The following STARD13 variants were observed in gnomAD, a reference collection of about 807,000 sequenced individuals.
The protein encoded by STARD13 is StAR related lipid transfer domain containing 13, also known as stAR-related lipid transfer protein 13.
A neutral mutation model predicts 106.4 loss-of-function variants in STARD13; 62 were observed. The observed-to-expected ratio is 0.58, with a 90% CI of 0.48 to 0.72. The LOEUF (loss-of-function observed/expected upper bound fraction) is 0.72. STARD13 is among the 30% of genes least tolerant of loss of function. The pLI is 0.00. For missense variants in STARD13, 1,387 were observed against 1,424.0 expected, an observed-to-expected ratio of 0.97 and a Z score of 0.42; for synonymous variants, 565 against 553.0, an observed-to-expected ratio of 1.02 and a Z score of -0.31.
At chr13:33,274,837 T>A (rs1170585763) in intron 1 of STARD13, among the ~76,000 whole-genome samples, 1 of 152,140 alleles carries the variant, frequency 6.6e-6, no homozygotes, top group Non-Finnish European at 1.5e-5. Context: ...AAATGTCCCA[T>A]CTATTACCAG....
In STARD13 at chr13:33,112,789, C is replaced by A. The variant is rs1434234054; in HGVS notation, c.2424G>T (p.Met808Ile). The A allele has an allele frequency of 6.2e-7, 1 of 1,613,798 alleles. No homozygotes were observed. The highest frequency in any genetic ancestry group is 1.3e-5 in the African/African-American group (1 of 74,946). ...NLVEENQMTP[M>I]NLAVCLAPSL... Reference sequence around the variant, plus strand: ...AGGGGGCCAGACACACTGCCAGGTTCATGGGCGTCATCTGATTCTCTTCCA... The same window carrying A: ...AGGGGGCCAGACACACTGCCAGGTTAATGGGCGTCATCTGATTCTCTTCCA... Residue 808 changes from methionine to isoleucine, a missense_variant, in exon 9 of 14, where the codon ATG (methionine) becomes ATT (isoleucine). Met to Ile is a conservative substitution (Grantham distance 10). Coordinates refer to ENST00000336934, the MANE Select transcript of STARD13 (RefSeq NM_178006.4).
At chr13:33,346,354 C>A (rs534019564), downstream of STARD13, among the ~76,000 whole-genome samples, 2 of 152,256 alleles carry the variant, frequency 1.3e-5, no homozygotes, top group Admixed American at 6.5e-5. Context: ...TGGTTTAGTT[C>A]GGTTTGGTTT....
the STARD13 span, among the ~76,000 whole-genome samples, chr13:33,540,826 T>A: frequency 6.6e-6 from 1 of 152,152 alleles, no homozygotes; most frequent in Non-Finnish European, 1.5e-5. Context: ...AAGGGCAAAG[T>A]CAGTAAAGCA....
At chr13:33,439,001 A>G in the STARD13 span, among the ~76,000 whole-genome samples, 1 of 152,250 alleles carries the variant, frequency 6.6e-6, no homozygotes, top group Non-Finnish European at 1.5e-5. Flanking sequence ...GATATGAAGA[A>G]TACATGCAGT....
At chr13:33,253,670 T>C (rs1335505025) in intron 1 of STARD13, among the ~76,000 whole-genome samples, 2 of 152,180 alleles carry the variant, frequency 1.3e-5, no homozygotes, top group Non-Finnish European at 2.9e-5. Flanking sequence ...TACAGCTGTG[T>C]CTGCTTCATG....
At chr13:33,183,065 T>C (rs1280625411) in intron 1 of STARD13, among the ~76,000 whole-genome samples, 1 of 152,260 alleles carries the variant, frequency 6.6e-6, no homozygotes, top group Non-Finnish European at 1.5e-5. Context: ...TGCTCACATT[T>C]ATCTCTATCA....
At chr13:33,475,839 C>T in the STARD13 span, among the ~76,000 whole-genome samples, 1 of 152,022 alleles carries the variant, frequency 6.6e-6, no homozygotes, top group Non-Finnish European at 1.5e-5. Flanking sequence ...TGTCTGTAGT[C>T]CCAGCTACTC....
chr13:33,499,604 T>TTC, the STARD13 span, among the ~76,000 whole-genome samples: 663 of 39,152 alleles, frequency 0.017, 41 homozygotes, highest in Non-Finnish European at 0.02. Flanking sequence ...CTTCTTCTTC[T>TTC]TTCTTCTTCT....
chr13:33,208,582 AC>A (rs1440320109), intron 1 of STARD13, among the ~76,000 whole-genome samples: 1 of 152,192 alleles, frequency 6.6e-6, no homozygotes, highest in Non-Finnish European at 1.5e-5. Flanking sequence ...GTTTTAGAGC[AC>A]AGGTGTAACA....
At chr13:33,365,196 A>G in the STARD13 span, among the ~76,000 whole-genome samples, 1 of 152,102 alleles carries the variant, frequency 6.6e-6, no homozygotes, top group East Asian at 1.9e-4. Context: ...AGGGATGCTG[A>G]AGGGAATGGG....
chr13:33,369,980 G>A, the STARD13 span, among the ~76,000 whole-genome samples: 1 of 152,162 alleles, frequency 6.6e-6, no homozygotes, highest in Non-Finnish European at 1.5e-5. Flanking sequence ...GAAGCTACAT[G>A]ATAAAGTACA....
chr13:33,379,703 A>G, the STARD13 span, among the ~76,000 whole-genome samples: 2 of 152,244 alleles, frequency 1.3e-5, no homozygotes, highest in Non-Finnish European at 2.9e-5. Context: ...TCTTTTACAG[A>G]TAAGGAAACA....
chr13:33,603,064 G>A, the STARD13 span, among the ~76,000 whole-genome samples: 14 of 151,962 alleles, frequency 9.2e-5, no homozygotes, highest in African/African-American at 2.7e-4. Flanking sequence ...AGGATCCCTC[G>A]GGCCAAGGAT....
At chr13:33,206,759 T>A (rs1368582864) in intron 1 of STARD13, among the ~76,000 whole-genome samples, 3 of 152,196 alleles carry the variant, frequency 2.0e-5, no homozygotes, top group Non-Finnish European at 2.9e-5. Context: ...ATTGTAGACT[T>A]TCGTATACTG....
chr13:33,499,509 TTC>T, the STARD13 span, among the ~76,000 whole-genome samples: 157 of 50,190 alleles, frequency 3.1e-3, 5 homozygotes, highest in African/African-American at 0.028. Flanking sequence ...CTTCTTCTTC[TTC>T]TTCTTTCTTT....
intron 3 of STARD13, among the ~76,000 whole-genome samples, chr13:33,148,326 T>G (rs2147815): frequency 0.032 from 4,903 of 152,234 alleles, 270 homozygotes; most frequent in African/African-American, 0.11. Flanking sequence ...GCAAAAGATA[T>G]CTCTGTTAAA....
chr13:33,289,813 G>C (rs1333486326), upstream of STARD13, among the ~76,000 whole-genome samples: 1 of 152,052 alleles, frequency 6.6e-6, no homozygotes, highest in Non-Finnish European at 1.5e-5. Flanking sequence ...AGCCCTCTTA[G>C]GAGTAACCCA....
intron 1 of STARD13, among the ~76,000 whole-genome samples, chr13:33,187,142 T>C (rs1158284789): frequency 1.3e-5 from 2 of 152,206 alleles, no homozygotes; most frequent in African/African-American, 4.8e-5. Context: ...TCTAACCTTG[T>C]GGCTTAACTT....
intron 1 of STARD13, among the ~76,000 whole-genome samples, chr13:33,341,356 C>T (rs1286611360): frequency 2.0e-5 from 3 of 152,032 alleles, no homozygotes; most frequent in Admixed American, 6.6e-5. Context: ...TTTCCGTGAA[C>T]GGCATGGCGC....
Sources: allele counts gnomAD v4.1 joint callset (sites outside exome capture counted in the v4.1 genomes callset), GRCh38; gene constraint gnomAD v4.1.1; transcripts MANE v1.5; gene names NCBI Gene and HGNC (gene_info 2026-07-23, HGNC 2026-07-21).